PAX5: variants seen among roughly 807,000 people sequenced by gnomAD.
PAX5 encodes paired box protein Pax-5.
A neutral mutation model predicts 43.7 loss-of-function variants in PAX5; 9 were observed. The observed-to-expected ratio is 0.21, with a 90% CI of 0.12 to 0.36. The LOEUF (loss-of-function observed/expected upper bound fraction) is 0.36. Ranked by LOEUF, PAX5 falls within the 10% of genes least tolerant of loss-of-function variation. The probability of loss-of-function intolerance (pLI) is 1.00; values close to 1 mark genes in which losing one functional copy is unlikely to be tolerated. For synonymous variants in PAX5, 228 were observed against 214.3 expected (o/e 1.06, Z -0.56); for missense variants, 383 against 532.7 (o/e 0.72, Z 2.77).
intron 6 of PAX5, among the ~76,000 whole-genome samples, chr9:36,940,709 C>G (rs909392830): frequency 5.3e-5 from 8 of 151,896 alleles, no homozygotes; most frequent in Non-Finnish European, 1.0e-4. Flanking sequence ...CAGGGAGAAT[C>G]GAATTTGAGT....
At chr9:36,998,991 A>C (rs912509493) in intron 5 of PAX5, among the ~76,000 whole-genome samples, 1 of 152,126 alleles carries the variant, frequency 6.6e-6, no homozygotes, top group African/African-American at 2.4e-5. Flanking sequence ...CGTGGCTTGC[A>C]TTCTGCTTCT....
At chr9:36,934,943 C>T (rs929708843) in intron 6 of PAX5, among the ~76,000 whole-genome samples, 9 of 152,200 alleles carry the variant, frequency 5.9e-5, no homozygotes, top group Non-Finnish European at 8.8e-5. Context: ...GCTCTTCCAA[C>T]GGTGCCAGAG....
rs376137253 is a variant in PAX5, at chr9:36,882,147, C to T, written c.911-42G>A. ...ACAAATCACAGGGTGAGCATCTTCGCGGCCAGCCGCTCATGTCCACAGCTC... is the reference window on the plus strand; with the variant it reads ...ACAAATCACAGGGTGAGCATCTTCGTGGCCAGCCGCTCATGTCCACAGCTC... On this transcript the variant is annotated intron_variant, in intron 7 of 9. Transcript: ENST00000358127. The surrounding 1 kb of genome is among the most constrained non-coding windows in gnomAD (Gnocchi z 4.4). The T allele has an allele frequency of 3.4e-6, 5 of 1,479,290 alleles. No individual in the cohort carries two copies. The African/African-American group carries it at 4.2e-5, about 12-fold the overall frequency. The allele number at this position is 1,479,290 out of a possible 1,614,324, so 91.6% of individuals were successfully genotyped here.
At chr9:36,864,895 G>A (rs1162334708) in intron 8 of PAX5, among the ~76,000 whole-genome samples, 10 of 152,190 alleles carry the variant, frequency 6.6e-5, no homozygotes, top group East Asian at 5.8e-4. Flanking sequence ...CTGACAGCTC[G>A]CCCACCGAAT....
At position 36,840,370 on chromosome 9, in the gene PAX5, A is replaced by G. The variant is rs1821937813; in HGVS notation, c.*190T>C. On this transcript the variant is annotated 3_prime_UTR_variant, in exon 10 of 10. Transcript: ENST00000358127. ...GATTGGCTTTTAGAAATAGACAAGC[A>G]TCCAGAAGTCCAACGGCCCCACCAA... 2 of 645,046 alleles carry G rather than the reference A, an allele frequency of 3.1e-6. No individual in the cohort carries two copies. Among genetic ancestry groups the G allele is most frequent in the Admixed American group, 5.0e-5 (2 of 39,804 alleles). The allele number at this position is 645,046 out of a possible 1,614,324, so 40.0% of individuals were successfully genotyped here. A position where few individuals can be genotyped will look rare whatever the true frequency, so the allele number is the denominator to read the frequency against.
At position 36,865,766 on chromosome 9, in the gene PAX5, G is replaced by A. The variant is rs182427811; in HGVS notation, c.1012+16238C>T. On this transcript the variant is annotated intron_variant, in intron 8 of 9. Transcript: ENST00000358127. ...ATCACAATTTGCCCCAGTTTTTCTG[G>A]TAGTCTTCTTTTGATTAAAAGTATG... is the stretch of plus-strand genomic sequence containing the variant. 3.9e-4 allele frequency among the ~76,000 whole-genome samples: 60 copies of A among 152,312 alleles called. 2 individuals are homozygous for A. Among genetic ancestry groups the A allele is most frequent in the Non-Finnish European group, 7.2e-4 (49 of 68,034 alleles).
intron 9 of PAX5, among the ~76,000 whole-genome samples, chr9:36,841,630 C>G (rs905078279): frequency 3.9e-5 from 6 of 152,234 alleles, no homozygotes; most frequent in African/African-American, 7.2e-5. Flanking sequence ...GTCCCCAGTT[C>G]CAGCCTGGAG....
At chr9:36,872,044 T>G (rs1195026499) in intron 8 of PAX5, among the ~76,000 whole-genome samples, 1 of 152,232 alleles carries the variant, frequency 6.6e-6, no homozygotes, top group Non-Finnish European at 1.5e-5. Context: ...TGATCTTTAC[T>G]ACCTCTCTCT....
chr9:37,023,165 G>A (rs1205276973), intron 1 of PAX5, among the ~76,000 whole-genome samples: 1 of 152,220 alleles, frequency 6.6e-6, no homozygotes, highest in South Asian at 2.1e-4. Context: ...GAAGCAGCAG[G>A]TTAGGCAGGC....
At chr9:36,923,616 T>C (rs1830359330) in intron 6 of PAX5, 132 bp from the exon 7 acceptor site, 4 of 984,102 alleles carry the variant, frequency 4.1e-6, no homozygotes, top group East Asian at 5.0e-5. Flanking sequence ...AAGGGGCTCA[T>C]GAACACTTCC....
At chr9:36,853,943 C>T (rs370246208) in intron 8 of PAX5, among the ~76,000 whole-genome samples, 3 of 152,186 alleles carry the variant, frequency 2.0e-5, no homozygotes, top group African/African-American at 7.2e-5. Flanking sequence ...TGCCAGATGA[C>T]GGGGATTTGC....
chr9:37,006,909 C>A (rs1029981532), intron 3 of PAX5, among the ~76,000 whole-genome samples: 8 of 152,150 alleles, frequency 5.3e-5, no homozygotes, highest in African/African-American at 1.4e-4. Context: ...TTTAGGGAGT[C>A]CTTCCCTTTC....
intron 6 of PAX5, among the ~76,000 whole-genome samples, chr9:36,961,835 C>T (rs554201902): frequency 2.6e-5 from 4 of 152,334 alleles, no homozygotes; most frequent in African/African-American, 7.2e-5. Flanking sequence ...CACACGTGCA[C>T]GCACACACAC....
intron 5 of PAX5, among the ~76,000 whole-genome samples, chr9:36,994,387 A>G (rs1588170009): frequency 6.6e-6 from 1 of 152,220 alleles, no homozygotes; most frequent in Non-Finnish European, 1.5e-5. Context: ...TATAGAGCAC[A>G]TGACCTGCCA....
intron 6 of PAX5, among the ~76,000 whole-genome samples, chr9:36,926,569 C>T (rs1011462169): frequency 5.3e-5 from 8 of 152,210 alleles, no homozygotes; most frequent in African/African-American, 1.7e-4. Flanking sequence ...ATGAATCGGG[C>T]ATGAATTTAG....
intron 6 of PAX5, among the ~76,000 whole-genome samples, chr9:36,941,555 G>C (rs1832047730): frequency 6.6e-6 from 1 of 152,188 alleles, no homozygotes; most frequent in South Asian, 2.1e-4. Flanking sequence ...GGATAGGAAA[G>C]AACGGAAAAC....
At chr9:37,009,805 A>G (rs1317562060) in intron 3 of PAX5, among the ~76,000 whole-genome samples, 1 of 152,138 alleles carries the variant, frequency 6.6e-6, no homozygotes, top group Non-Finnish European at 1.5e-5. Flanking sequence ...AAATATATAT[A>G]TATATGCCTA....
chr9:36,966,667 C>A lies in PAX5; in HGVS notation c.662G>T (p.Arg221Leu), dbSNP rs142210825. Residue 221 changes from arginine (R) to leucine (L), a missense_variant, in exon 6 of 10, where the codon CGG becomes CTG. By Grantham distance (102) the Arg-to-Leu change is moderately radical. This residue lies in a region of PAX5 where 291 missense variants were observed against 342.5 expected (regional missense o/e 0.85). Transcript: ENST00000358127. ...GHSLPGRDFL[R>L]KQMRGDLFTQ... The stretch of plus-strand genomic sequence containing the variant: ...GAACAAGTCTCCCCGCATCTGCTTC[C>A]GGAGGAAGTCTCTGCCCGGAAGCGA... The A allele has an allele frequency of 1.2e-6, 2 of 1,614,200 alleles. No homozygotes were observed. Among genetic ancestry groups the A allele is most frequent in the Non-Finnish European group, 1.7e-6 (2 of 1,180,036 alleles).
chr9:36,868,774 C>T (rs4880022), intron 8 of PAX5, among the ~76,000 whole-genome samples: 108,807 of 151,918 alleles, frequency 0.72, 40,955 homozygotes, highest in Non-Finnish European at 0.83. Flanking sequence ...AGCCCAGCTG[C>T]TCCCTGACTG....
Sources: gnomAD v4.1 joint callset for allele counts (sites outside exome capture counted in the v4.1 genomes callset) on GRCh38, gnomAD v4.1.1 for gene constraint, gnomAD v4.1.1 regional missense constraint, Gnocchi (gnomAD v3.1) non-coding constraint, MANE v1.5 for transcripts, NCBI Gene and HGNC (gene_info 2026-07-23, HGNC 2026-07-21) for gene names.